DPP10: variants seen among roughly 807,000 people sequenced by gnomAD.
DPP10 encodes inactive dipeptidyl peptidase 10.
Under a neutral mutation model 120.9 loss-of-function variants are expected in DPP10, and 33 were observed. That is an observed-to-expected ratio of 0.27 (90% CI 0.21 to 0.37). DPP10 has a LOEUF of 0.37. Ranked by LOEUF, DPP10 falls within the 10% of genes least tolerant of loss-of-function variation. The pLI, the probability that DPP10 is intolerant of heterozygous loss-of-function variation, is 1.00. For synonymous variants in DPP10, 337 were observed against 326.1 expected (o/e 1.03, Z -0.36); for missense variants, 816 against 942.8 (o/e 0.87, Z 1.76).
At chr2:114,674,258 C>CTATTTGT (rs1484638460) in intron 1 of DPP10, among the ~76,000 whole-genome samples, 1 of 151,574 alleles carries the variant, frequency 6.6e-6, no homozygotes, top group African/African-American at 2.4e-5. Context: ...CATATATATC[C>CTATTTGT]TATTTGTTTC....
intron 3 of DPP10, among the ~76,000 whole-genome samples, chr2:115,347,629 C>T (rs1274993457): frequency 1.3e-5 from 2 of 152,046 alleles, no homozygotes; most frequent in Non-Finnish European, 2.9e-5. Flanking sequence ...CTATCCCTCC[C>T]CTAGTCCCCT....
chr2:114,981,595 C>T (rs1272140951), intron 1 of DPP10, among the ~76,000 whole-genome samples: 1 of 151,832 alleles, frequency 6.6e-6, no homozygotes, highest in African/African-American at 2.4e-5. Flanking sequence ...TCTCTCTCTC[C>T]TTCGAAACCG....
At chr2:115,346,318 A>G (rs891411893) in intron 3 of DPP10, among the ~76,000 whole-genome samples, 6 of 152,156 alleles carry the variant, frequency 3.9e-5, no homozygotes, top group African/African-American at 1.2e-4. Flanking sequence ...TTCTTTGTAC[A>G]TAAGTCACTT....
intron 1 of DPP10, among the ~76,000 whole-genome samples, chr2:114,887,084 T>A (rs1445030076): frequency 6.6e-6 from 1 of 152,230 alleles, no homozygotes; most frequent in Non-Finnish European, 1.5e-5. Flanking sequence ...TTCTACTCTT[T>A]TCCCAAATCT....
intron 1 of DPP10, among the ~76,000 whole-genome samples, chr2:115,019,549 T>C (rs1234622064): frequency 3.3e-5 from 5 of 152,120 alleles, no homozygotes; most frequent in Non-Finnish European, 5.9e-5. Flanking sequence ...TAAGAATAAT[T>C]GGTTTATTCA....
At chr2:115,292,348 T>C (rs2060693850) in intron 1 of DPP10, among the ~76,000 whole-genome samples, 1 of 152,126 alleles carries the variant, frequency 6.6e-6, no homozygotes, top group Non-Finnish European at 1.5e-5. Context: ...ACAGCATTAT[T>C]TAAACTTTCT....
At chr2:114,625,850 T>C (rs907456576) in intron 1 of DPP10, among the ~76,000 whole-genome samples, 2 of 151,874 alleles carry the variant, frequency 1.3e-5, no homozygotes, top group African/African-American at 4.8e-5. Flanking sequence ...AGACCTAGAA[T>C]TCATTATTTC....
chr2:115,371,523 A>G (rs1335942590), intron 3 of DPP10, among the ~76,000 whole-genome samples: 9 of 152,114 alleles, frequency 5.9e-5, no homozygotes, highest in African/African-American at 2.2e-4. Context: ...AAGATTTCCA[A>G]TGCTGTATAT....
intron 1 of DPP10, among the ~76,000 whole-genome samples, chr2:114,981,235 T>A (rs1409909912): frequency 1.3e-5 from 2 of 152,188 alleles, no homozygotes; most frequent in Non-Finnish European, 2.9e-5. Flanking sequence ...CCCTACCACA[T>A]TCTACGACAT....
At chr2:115,229,868 T>C (rs2057650461) in intron 1 of DPP10, among the ~76,000 whole-genome samples, 1 of 151,476 alleles carries the variant, frequency 6.6e-6, no homozygotes, top group Non-Finnish European at 1.5e-5. Flanking sequence ...TTCTTTCTTT[T>C]TTTTTTTTGG....
At position 114,516,059 on chromosome 2, in the gene DPP10, C is replaced by T. The variant is rs569327788; in HGVS notation, c.60+73221C>T. On this transcript the variant is annotated intron_variant, in intron 1 of 25. Transcript: ENST00000410059. ...AAAACACAGCCTGCTGGGCCCCACC[C>T]TCCTAAGTCTCTGATTCAGTGGATC... Among the ~76,000 whole-genome samples the T allele has an allele frequency of 3.9e-5, 6 of 152,318 alleles. No individual in the cohort carries two copies. In the East Asian group the frequency reaches 1.2e-3, roughly 29 times the overall value.
At chr2:114,941,671 T>C (rs1424459028) in intron 1 of DPP10, among the ~76,000 whole-genome samples, 1 of 152,202 alleles carries the variant, frequency 6.6e-6, no homozygotes, top group African/African-American at 2.4e-5. Context: ...TGAGATTAAT[T>C]CAATGTCATG....
intron 1 of DPP10, among the ~76,000 whole-genome samples, chr2:115,056,703 G>A (rs1406494065): frequency 6.6e-6 from 1 of 152,120 alleles, no homozygotes; most frequent in Non-Finnish European, 1.5e-5. Flanking sequence ...TAAGTCCAAT[G>A]CTACACATCC....
rs566420963 is a variant in DPP10, at chr2:114,751,403, A to G, written c.60+308565A>G. On this transcript the variant is annotated intron_variant, in intron 1 of 25. Transcript: ENST00000410059. The stretch of plus-strand genomic sequence containing the variant: ...CCACAGGTTTAAATGCTCAGCGTTC[A>G]TTTGGTCCTTATTGATCCTAGGCTG... Among the ~76,000 whole-genome samples the G allele has an allele frequency of 5.9e-5, 9 of 152,344 alleles. No individual in the cohort carries two copies. In the East Asian group the frequency reaches 1.7e-3, roughly 29 times the overall value.
intron 1 of DPP10, among the ~76,000 whole-genome samples, chr2:115,172,924 G>A (rs899319710): frequency 1.8e-4 from 27 of 152,268 alleles, no homozygotes; most frequent in African/African-American, 4.6e-4. Context: ...GTTTTGGTTG[G>A]TATGCAGATT....
At chr2:114,942,310 T>C (rs1260520288) in intron 1 of DPP10, among the ~76,000 whole-genome samples, 1 of 123,582 alleles carries the variant, frequency 8.1e-6, no homozygotes, top group South Asian at 2.8e-4. Context: ...TATATATATA[T>C]ATATATATAT....
At chr2:115,587,021 G>C (rs990364925) in intron 5 of DPP10, among the ~76,000 whole-genome samples, 2 of 142,944 alleles carry the variant, frequency 1.4e-5, no homozygotes, top group African/African-American at 5.2e-5. Flanking sequence ...TCCAGGACTT[G>C]TTTTATAACT....
At chr2:115,362,371 T>G (rs114206978) in intron 3 of DPP10, among the ~76,000 whole-genome samples, 8,689 of 152,288 alleles carry the variant, frequency 0.057, 345 homozygotes, top group Middle Eastern at 0.099. Flanking sequence ...AGATATATGC[T>G]TATTTTATAA....
chr2:115,063,851 A>G (rs1706620607), intron 1 of DPP10, among the ~76,000 whole-genome samples: 1 of 152,192 alleles, frequency 6.6e-6, no homozygotes, highest in Admixed American at 6.5e-5. Flanking sequence ...GGACATAGAC[A>G]AGGGCAAAAA....
Sources: gnomAD v4.1 joint callset for allele counts (sites outside exome capture counted in the v4.1 genomes callset) on GRCh38, gnomAD v4.1.1 for gene constraint, MANE v1.5 for transcripts, NCBI Gene and HGNC (gene_info 2026-07-23, HGNC 2026-07-21) for gene names.